The following ICA1 variants were observed in gnomAD, a reference collection of about 807,000 sequenced individuals.
ICA1 encodes 69 kDa islet cell autoantigen.
A neutral mutation model predicts 71.0 loss-of-function variants in ICA1; 40 were observed. The ratio of observed to expected loss-of-function variants is 0.56; its 90% CI spans 0.44 to 0.73. ICA1 has a LOEUF of 0.73. Among genes scored for constraint, ICA1 ranks in the 30% least tolerant of loss-of-function variants. The pLI, the probability that ICA1 is intolerant of heterozygous loss-of-function variation, is 0.00. For missense variants in ICA1, 578 were observed against 576.5 expected (o/e 1.00, Z -0.03); for synonymous variants, 207 against 209.5 (o/e 0.99, Z 0.10).
Position 8,131,229 on chromosome 7 carries a change from T to C in ICA1, c.1061-3087A>G, listed in dbSNP as rs142151770. 4.3e-3 allele frequency among the ~76,000 whole-genome samples: 648 copies of C among 152,322 alleles called. 1 individual carries two copies. Among genetic ancestry groups the C allele is most frequent in the African/African-American group, 0.015 (624 of 41,568 alleles). On this transcript the variant is annotated intron_variant, in intron 12 of 13. Coordinates refer to ENST00000402384, the MANE Select transcript of ICA1 (RefSeq NM_001136020.3). ...AGTGGAGAGAGAATCCTGACAACAT[T>C]GTCTAAGCGCCTGGATCCAGCCTTG...
chr7:8,175,358 T>G (rs1780256447), intron 6 of ICA1, among the ~76,000 whole-genome samples: 1 of 152,222 alleles, frequency 6.6e-6, no homozygotes. Flanking sequence ...TTTACTTCAT[T>G]TCCTCCTAAA....
At chr7:8,192,361 C>A (rs184586611) in intron 6 of ICA1, among the ~76,000 whole-genome samples, 35 of 152,288 alleles carry the variant, frequency 2.3e-4, no homozygotes, top group Admixed American at 4.6e-4. Flanking sequence ...TGTGTCCTCA[C>A]ACTTAAATTA....
chr7:8,184,326 A>G (rs953037190), intron 6 of ICA1, among the ~76,000 whole-genome samples: 1 of 152,208 alleles, frequency 6.6e-6, no homozygotes, highest in African/African-American at 2.4e-5. Flanking sequence ...CCATGCTCCA[A>G]GAGGATTACA....
At chr7:8,140,423 T>C (rs893160021) in intron 10 of ICA1, among the ~76,000 whole-genome samples, 6 of 152,372 alleles carry the variant, frequency 3.9e-5, no homozygotes, top group South Asian at 2.1e-4. Context: ...AGTCTTGCCA[T>C]AGCACTTGGC....
rs1211428911 is a variant in ICA1, at chr7:8,128,148, T to A, written c.1061-6A>T. On this transcript the variant is annotated splice_polypyrimidine_tract_variant and splice_region_variant and intron_variant, in intron 12 of 13. Coordinates refer to ENST00000402384, the MANE Select transcript of ICA1 (RefSeq NM_001136020.3). ...TGCCACTGGTCCCAGGCAAGCTGAT[T>A]GAAGTAACAGAGAACAAAACGTCAC... 1.9e-6 allele frequency: 3 copies of A among 1,613,498 alleles called. No homozygotes were observed. The East Asian group carries it at 6.7e-5, about 36-fold the overall frequency.
At chr7:8,136,655 C>T (rs978634261) in intron 12 of ICA1, among the ~76,000 whole-genome samples, 1 of 152,184 alleles carries the variant, frequency 6.6e-6, no homozygotes, top group African/African-American at 2.4e-5. Flanking sequence ...AGAGAAAAGA[C>T]AAATTATGTG....
At chr7:8,218,239 A>T (rs1795969751) in intron 6 of ICA1, 66 bp downstream of exon 6, 1 of 1,378,084 alleles carries the variant, frequency 7.3e-7, no homozygotes, top group Non-Finnish European at 1.0e-6. Context: ...CACCAGAGGG[A>T]TTCAAATCAC....
At chr7:8,121,477 G>A (rs529994635) in intron 13 of ICA1, among the ~76,000 whole-genome samples, 24 of 152,298 alleles carry the variant, frequency 1.6e-4, no homozygotes, top group African/African-American at 5.5e-4. Flanking sequence ...AAGACATTAT[G>A]TTAAGTGAAC....
chr7:8,131,951 G>C (rs1333293451), intron 12 of ICA1, among the ~76,000 whole-genome samples: 1 of 152,182 alleles, frequency 6.6e-6, no homozygotes, highest in Non-Finnish European at 1.5e-5. Flanking sequence ...ACTGCTTCTG[G>C]GTTATGGTGC....
chr7:8,204,710 T>C (rs960561561), intron 6 of ICA1, among the ~76,000 whole-genome samples: 1 of 152,252 alleles, frequency 6.6e-6, no homozygotes, highest in Non-Finnish European at 1.5e-5. Context: ...AGCAGTCTTT[T>C]GACTTTTGCA....
intron 6 of ICA1, among the ~76,000 whole-genome samples, chr7:8,203,775 C>T (rs986202915): frequency 5.9e-5 from 9 of 152,170 alleles, no homozygotes; most frequent in Admixed American, 1.3e-4. Flanking sequence ...CTTATGACCG[C>T]AAACCTTTCA....
At chr7:8,199,961 A>C (rs532004125) in intron 6 of ICA1, among the ~76,000 whole-genome samples, 1 of 152,282 alleles carries the variant, frequency 6.6e-6, no homozygotes, top group Admixed American at 6.5e-5. Flanking sequence ...GGGTACAAAA[A>C]AATAGAAAAA....
intron 1 of ICA1, among the ~76,000 whole-genome samples, chr7:8,236,478 G>A (rs145117217): frequency 0.019 from 2,935 of 152,258 alleles, 25 homozygotes; most frequent in Middle Eastern, 0.024. Context: ...AAGCTAGGTG[G>A]TGAATATATT....
At chr7:8,204,050 A>C (rs578232209) in intron 6 of ICA1, among the ~76,000 whole-genome samples, 1 of 149,908 alleles carries the variant, frequency 6.7e-6, no homozygotes, top group Admixed American at 6.6e-5. Context: ...TTCAAGAGAC[A>C]GAGAGATTGG....
chr7:8,226,846 C>A lies in ICA1; in HGVS notation c.256+1755G>T, dbSNP rs1160431790. 1.3e-5 allele frequency among the ~76,000 whole-genome samples: 2 copies of A among 152,186 alleles called. No homozygotes were observed. Among genetic ancestry groups the A allele is most frequent in the African/African-American group, 4.8e-5 (2 of 41,456 alleles). ...AATTATGAGCCTTCATGGTGTTCAACTATAATTCTATTAACTAATCTGAGG... is the reference window on the plus strand; with the variant it reads ...AATTATGAGCCTTCATGGTGTTCAAATATAATTCTATTAACTAATCTGAGG... On this transcript the variant is annotated intron_variant, in intron 4 of 13. Coordinates refer to ENST00000402384, the MANE Select transcript of ICA1 (RefSeq NM_001136020.3). The surrounding 1 kb of genome is among the most constrained non-coding windows in gnomAD (Gnocchi z 4.4).
At chr7:8,181,611 C>T (rs1271341121) in intron 6 of ICA1, among the ~76,000 whole-genome samples, 2 of 152,114 alleles carry the variant, frequency 1.3e-5, no homozygotes, top group Non-Finnish European at 2.9e-5. Flanking sequence ...ATGGTACATT[C>T]CTCTCTTTTC....
intron 6 of ICA1, among the ~76,000 whole-genome samples, chr7:8,202,819 T>C (rs1227548932): frequency 1.3e-5 from 2 of 152,102 alleles, no homozygotes; most frequent in Non-Finnish European, 2.9e-5. Flanking sequence ...TGCTCTGTCT[T>C]AGGCTGATTA....
intron 6 of ICA1, among the ~76,000 whole-genome samples, chr7:8,199,538 C>A (rs4720769): frequency 6.6e-6 from 1 of 151,852 alleles, no homozygotes; most frequent in East Asian, 1.9e-4. Context: ...TGGTGAAACC[C>A]TGTCTCTACT....
chr7:8,230,504 T>C (rs569562505), intron 3 of ICA1, among the ~76,000 whole-genome samples: 3 of 152,346 alleles, frequency 2.0e-5, no homozygotes, highest in East Asian at 1.9e-4. Flanking sequence ...ACCTCTATCA[T>C]GTGCTAAATT....
Sources: allele counts gnomAD v4.1 joint callset (sites outside exome capture counted in the v4.1 genomes callset), GRCh38; gene constraint gnomAD v4.1.1; non-coding constraint Gnocchi (gnomAD v3.1); transcripts MANE v1.5; gene names NCBI Gene and HGNC (gene_info 2026-07-23, HGNC 2026-07-21).